Variants in DNAAF5 observed in about 807,000 individuals in gnomAD.
DNAAF5 encodes the protein HEAT repeat containing 2.
A neutral mutation model predicts 75.8 loss-of-function variants in DNAAF5; 64 were observed. That is an observed-to-expected ratio of 0.84 (90% CI 0.69 to 1.04). The LOEUF is 1.04. DNAAF5 is among the 50% of genes least tolerant of loss of function. The probability of loss-of-function intolerance (pLI) is 0.00; values close to 1 mark genes in which losing one functional copy is unlikely to be tolerated. For synonymous variants in DNAAF5, 657 were observed against 557.2 expected (o/e 1.18, Z -2.52); for missense variants, 1,269 against 1,178.5 (o/e 1.08, Z -1.12).
intron 2 of DNAAF5, among the ~76,000 whole-genome samples, chr7:738,388 C>A (rs1260409746): frequency 6.6e-6 from 1 of 152,228 alleles, no homozygotes; most frequent in African/African-American, 2.4e-5. Context: ...GAAAGGTCAC[C>A]TATCCCTGTC....
At chr7:783,133 G>C (rs1460304546) in intron 12 of DNAAF5, among the ~76,000 whole-genome samples, 1 of 152,236 alleles carries the variant, frequency 6.6e-6, no homozygotes, top group East Asian at 1.9e-4. Flanking sequence ...AGGGACTTGG[G>C]CCGTTCACTT....
chr7:754,017 C>T lies in DNAAF5; in HGVS notation c.1025-572C>T, dbSNP rs1298006050. 7.1e-5 allele frequency among the ~76,000 whole-genome samples: 9 copies of T among 126,226 alleles called. No homozygotes were observed. Among genetic ancestry groups the T allele is most frequent in the African/African-American group, 1.9e-4 (6 of 32,412 alleles). 82.8% of individuals were successfully genotyped at this position (126,226 alleles called of 152,430 possible). On this transcript the variant is annotated intron_variant, in intron 4 of 12. Transcript: ENST00000297440. This position sits in a 1 kb window ranked among gnomAD's most constrained non-coding sequence, Gnocchi z 4.8. ...GTGTGTCTCTCTGATCATAGGGGGA[C>T]GGCTTCGCAGGCGTGTCTCTCATCA...
intron 5 of DNAAF5, among the ~76,000 whole-genome samples, chr7:755,308 G>A (rs1010865189): frequency 6.6e-6 from 1 of 152,082 alleles, no homozygotes; most frequent in Non-Finnish European, 1.5e-5. Flanking sequence ...GTCCACACTC[G>A]GCTGCTGGTT....
Position 729,644 on chromosome 7 carries a change from G to C in DNAAF5, c.596-19G>C. Reference sequence around the variant, plus strand: ...GTGTGGGAGCAGCTCTGGTAACTGGGGGCCTCCCTGTCCCTCAGACCACTT... The same window carrying C: ...GTGTGGGAGCAGCTCTGGTAACTGGCGGCCTCCCTGTCCCTCAGACCACTT... On this transcript the variant is annotated intron_variant, in intron 1 of 12. Transcript: ENST00000297440. The C allele has an allele frequency of 6.2e-7, 1 of 1,607,696 alleles. No homozygotes were observed. Among genetic ancestry groups the C allele is most frequent in the Non-Finnish European group, 8.5e-7 (1 of 1,175,854 alleles).
intron 6 of DNAAF5, among the ~76,000 whole-genome samples, chr7:759,695 T>A (rs573608774): frequency 1.1e-4 from 17 of 152,142 alleles, no homozygotes; most frequent in Admixed American, 2.6e-4. Context: ...GAGAAATCTA[T>A]AAATGTGAAG....
chr7:740,932 G>T lies in DNAAF5; in HGVS notation c.894G>T (p.Val298=). 6.2e-7 allele frequency: 1 copy of T among 1,613,312 alleles called. No individual in the cohort carries two copies. Among genetic ancestry groups the T allele is most frequent in the South Asian group, 1.1e-5 (1 of 91,088 alleles). ...TGCTCAGTAGCCTCAACGACGAGGT[G>T]CCTGAGGTCAGGTACGTGGGCAGGC... is the stretch of plus-strand genomic sequence containing the variant. ...PLLLSSLNDE[V]PEVRQLAASL... Residue 298 remains valine, a synonymous_variant, in exon 3 of 13, where the codon GTG becomes GTT. Coordinates refer to ENST00000297440, the MANE Select transcript of DNAAF5 (RefSeq NM_017802.4).
intron 11 of DNAAF5, among the ~76,000 whole-genome samples, chr7:775,820 C>T (rs1264667788): frequency 1.3e-5 from 2 of 151,768 alleles, no homozygotes; most frequent in South Asian, 2.1e-4. Context: ...GTGAAGGAAG[C>T]GTCGTGTGGA....
chr7:736,392 G>A (rs1011420128), intron 2 of DNAAF5, among the ~76,000 whole-genome samples: 2 of 152,226 alleles, frequency 1.3e-5, no homozygotes, highest in African/African-American at 4.8e-5. Context: ...ATACTCCAGT[G>A]TTGGGTGCAT....
intron 6 of DNAAF5, 41 bp from the exon 7 acceptor site, chr7:761,712 A>G: frequency 6.4e-7 from 1 of 1,563,218 alleles, no homozygotes; most frequent in Non-Finnish European, 8.7e-7. Flanking sequence ...GGACACGACC[A>G]AATTGTACCA....
chr7:756,078 G>T (rs1171886929), intron 5 of DNAAF5, among the ~76,000 whole-genome samples: 6 of 103,356 alleles, frequency 5.8e-5, no homozygotes, highest in African/African-American at 2.2e-4. Context: ...ATCCCACGGT[G>T]CAGAGGGGCT....
At chr7:745,473 C>T (rs533216362) in intron 4 of DNAAF5, among the ~76,000 whole-genome samples, 1 of 152,160 alleles carries the variant, frequency 6.6e-6, no homozygotes, top group African/African-American at 2.4e-5. Context: ...TACACACACA[C>T]CTGTGCACAC....
intron 7 of DNAAF5, 48 bp downstream of exon 7, chr7:761,944 C>G: frequency 1.3e-6 from 2 of 1,536,094 alleles, no homozygotes; most frequent in Non-Finnish European, 1.8e-6. Context: ...GAGCTCACAG[C>G]TGGAAGGCAT....
At chr7:776,936 G>A (rs1778780973) in intron 11 of DNAAF5, among the ~76,000 whole-genome samples, 2 of 152,172 alleles carry the variant, frequency 1.3e-5, no homozygotes, top group South Asian at 2.1e-4. Flanking sequence ...CTGTCAGATC[G>A]GCAACGGCAT....
At chr7:730,215 C>T (rs1315376775) in intron 2 of DNAAF5, among the ~76,000 whole-genome samples, 1 of 151,938 alleles carries the variant, frequency 6.6e-6, no homozygotes, top group Non-Finnish European at 1.5e-5. Flanking sequence ...AGAGTGGAGT[C>T]GGGGTTGGTT....
chr7:757,070 G>A, intron 6 of DNAAF5, 76 bp downstream of exon 6: 12 of 1,412,280 alleles, frequency 8.5e-6, no homozygotes, highest in Admixed American at 6.2e-5. Context: ...GTAATGACAT[G>A]TCTGTGGGTT....
At chr7:784,444 C>G (rs1386007027) in intron 12 of DNAAF5, among the ~76,000 whole-genome samples, 1 of 152,200 alleles carries the variant, frequency 6.6e-6, no homozygotes, top group Admixed American at 6.5e-5. Context: ...TGAGGTCCTC[C>G]TGGACCCCCT....
At chr7:764,325 A>G (rs536477096) in intron 8 of DNAAF5, among the ~76,000 whole-genome samples, 1 of 152,328 alleles carries the variant, frequency 6.6e-6, no homozygotes, top group South Asian at 2.1e-4. Context: ...TGTGTGTGAC[A>G]TGGGGGCCTT....
At chr7:776,589 G>C (rs1009886119) in intron 11 of DNAAF5, among the ~76,000 whole-genome samples, 1 of 152,192 alleles carries the variant, frequency 6.6e-6, no homozygotes, top group African/African-American at 2.4e-5. Context: ...GCAGGACCAG[G>C]GGCACAGCCT....
In DNAAF5 at chr7:756,762, CTCA is replaced by C; in HGVS notation, c.1258-18_1258-16del. 3.7e-6 allele frequency: 6 copies of C among 1,609,308 alleles called. No individual in the cohort carries two copies. The highest frequency in any genetic ancestry group is 5.1e-6 in the Non-Finnish European group (6 of 1,176,658). On this transcript the variant is annotated splice_polypyrimidine_tract_variant and intron_variant, in intron 5 of 12. Coordinates refer to ENST00000297440, the MANE Select transcript of DNAAF5 (RefSeq NM_017802.4). ...ACCCTCGGGTTTGGCTCTGAGTTTTCTCATGTTTCTTTCTCGCAGTGTACCAGA... is the reference window on the plus strand; with the variant it reads ...ACCCTCGGGTTTGGCTCTGAGTTTTCTGTTTCTTTCTCGCAGTGTACCAGA...
Sources: gnomAD v4.1 joint callset for allele counts (sites outside exome capture counted in the v4.1 genomes callset) on GRCh38, gnomAD v4.1.1 for gene constraint, Gnocchi (gnomAD v3.1) non-coding constraint, MANE v1.5 for transcripts, NCBI Gene and HGNC (gene_info 2026-07-23, HGNC 2026-07-21) for gene names.